RALGPS1: variants seen among roughly 807,000 people sequenced by gnomAD.
RALGPS1 encodes the protein Ral GEF with PH domain and SH3 binding motif 1, also known as ras-specific guanine nucleotide-releasing factor RalGPS1.
A neutral mutation model predicts 78.8 loss-of-function variants in RALGPS1; 19 were observed. The observed-to-expected ratio is 0.24, with a 90% confidence interval of 0.17 to 0.35. The LOEUF (loss-of-function observed/expected upper bound fraction) is 0.35, where lower values mean the gene tolerates loss of function less well. RALGPS1 is among the 10% of genes least tolerant of loss of function. The pLI, the probability that RALGPS1 is intolerant of heterozygous loss-of-function variation, is 1.00. For synonymous variants in RALGPS1, 228 were observed against 256.3 expected (o/e 0.89, Z 1.06); for missense variants, 454 against 688.3 (o/e 0.66, Z 3.81).
At chr9:127,089,154 C>CA in intron 8 of RALGPS1, 1 of 1,613,756 alleles carries the variant, frequency 6.2e-7, no homozygotes, top group South Asian at 1.1e-5. Flanking sequence ...AGAGAGAAGG[C>CA]AGTGAGAGGG....
At chr9:127,168,914 C>G in intron 10 of RALGPS1, 142 bp downstream of exon 10, 1 of 663,294 alleles carries the variant, frequency 1.5e-6, no homozygotes, top group African/African-American at 1.8e-5. Flanking sequence ...GCAGTAGCGC[C>G]CAGGCCCCAG....
At chr9:127,188,136 A>G (rs1285276058) in intron 11 of RALGPS1, among the ~76,000 whole-genome samples, 1 of 136,410 alleles carries the variant, frequency 7.3e-6, no homozygotes, top group Admixed American at 8.6e-5. Flanking sequence ...ATCTAGGCTC[A>G]CTGCAACCTC....
At chr9:127,093,866 AG>A (rs2052786848) in intron 8 of RALGPS1, 1 of 1,613,888 alleles carries the variant, frequency 6.2e-7, no homozygotes, top group African/African-American at 1.3e-5. Context: ...CGGCTTCACC[AG>A]GTAGATGGAG....
intron 7 of RALGPS1, among the ~76,000 whole-genome samples, chr9:127,059,091 A>G (rs1455160274): frequency 6.6e-6 from 1 of 152,148 alleles, no homozygotes; most frequent in East Asian, 1.9e-4. Flanking sequence ...AAAAGAACTA[A>G]GGCCACTTTG....
At chr9:127,214,611 T>C in intron 17 of RALGPS1, 140 bp from the exon 18 acceptor site, 1 of 1,347,090 alleles carries the variant, frequency 7.4e-7, no homozygotes, top group Non-Finnish European at 9.8e-7. Flanking sequence ...CCCTGGAGGC[T>C]GCTTTCTCTG....
intron 8 of RALGPS1, among the ~76,000 whole-genome samples, chr9:127,105,151 T>G (rs1032683414): frequency 2.6e-5 from 4 of 152,128 alleles, no homozygotes; most frequent in African/African-American, 9.7e-5. Flanking sequence ...GGGAGCTCAG[T>G]GGTGAGATGG....
At chr9:127,203,005 G>C (rs2061727728) in intron 14 of RALGPS1, among the ~76,000 whole-genome samples, 1 of 152,244 alleles carries the variant, frequency 6.6e-6, no homozygotes, top group African/African-American at 2.4e-5. Flanking sequence ...AACCAACAGG[G>C]AAGGGAGCGT....
intron 8 of RALGPS1, among the ~76,000 whole-genome samples, chr9:127,095,244 A>C (rs1461137159): frequency 1.3e-5 from 2 of 152,044 alleles, no homozygotes; most frequent in African/African-American, 4.8e-5. Context: ...TAAAAATACA[A>C]AAAATTAGCC....
chr9:126,977,601 TA>T, intron 3 of RALGPS1, 93 bp from the exon 4 acceptor site: 1 of 789,560 alleles, frequency 1.3e-6, no homozygotes, highest in Non-Finnish European at 1.9e-6. Context: ...GGGGAAAGTA[TA>T]ACTTTTATGA....
chr9:126,938,899 G>T (rs1450607072), intron 1 of RALGPS1, among the ~76,000 whole-genome samples: 1 of 152,232 alleles, frequency 6.6e-6, no homozygotes, highest in East Asian at 1.9e-4. Context: ...GAGTAGAGGA[G>T]GGAGGAGGGT....
intron 8 of RALGPS1, among the ~76,000 whole-genome samples, chr9:127,071,488 G>A (rs2050198887): frequency 6.6e-6 from 1 of 152,064 alleles, no homozygotes; most frequent in South Asian, 2.1e-4. Context: ...ATGAAATATG[G>A]ACTTTCCATG....
intron 8 of RALGPS1, among the ~76,000 whole-genome samples, chr9:127,076,704 C>G (rs1210759596): frequency 6.6e-6 from 1 of 152,196 alleles, no homozygotes; most frequent in African/African-American, 2.4e-5. Context: ...CAGTCAGACA[C>G]CACCCCTGCC....
intron 8 of RALGPS1, among the ~76,000 whole-genome samples, chr9:127,139,860 A>G (rs937497800): frequency 6.6e-6 from 1 of 152,226 alleles, no homozygotes; most frequent in Non-Finnish European, 1.5e-5. Flanking sequence ...TTTTATTCAT[A>G]GTCTGAGTTC....
intron 1 of RALGPS1, among the ~76,000 whole-genome samples, chr9:126,940,405 G>T (rs2036651428): frequency 6.6e-6 from 1 of 150,868 alleles, no homozygotes; most frequent in Non-Finnish European, 1.5e-5. Flanking sequence ...CTTTTCTTCA[G>T]TCCCTGTCCA....
At chr9:127,135,615 G>T (rs970758636) in intron 8 of RALGPS1, among the ~76,000 whole-genome samples, 11 of 152,250 alleles carry the variant, frequency 7.2e-5, no homozygotes, top group Non-Finnish European at 7.3e-5. Flanking sequence ...GAGGGAACCA[G>T]ACTAGGGGCC....
chr9:126,974,755 G>A (rs982822733), intron 3 of RALGPS1, among the ~76,000 whole-genome samples: 9 of 152,000 alleles, frequency 5.9e-5, no homozygotes, highest in African/African-American at 9.7e-5. Flanking sequence ...ACTACTGGCC[G>A]GATTTGCTGC....
intron 1 of RALGPS1, among the ~76,000 whole-genome samples, chr9:126,934,983 C>T (rs1156788566): frequency 1.3e-5 from 2 of 152,150 alleles, no homozygotes; most frequent in African/African-American, 4.8e-5. Context: ...AAGACATGAG[C>T]CTTGTCTTTA....
chr9:127,206,312 G>C (rs1034081713), intron 14 of RALGPS1, among the ~76,000 whole-genome samples: 2 of 152,150 alleles, frequency 1.3e-5, no homozygotes, highest in African/African-American at 2.4e-5. Context: ...AGACATACCC[G>C]AGACTAGGTA....
intron 8 of RALGPS1, among the ~76,000 whole-genome samples, chr9:127,134,390 A>T (rs1379342209): frequency 6.6e-6 from 1 of 152,194 alleles, no homozygotes; most frequent in Non-Finnish European, 1.5e-5. Flanking sequence ...CCTGGAGGAC[A>T]CTGAGCCAGT....
Sources: allele counts gnomAD v4.1 joint callset (sites outside exome capture counted in the v4.1 genomes callset), GRCh38; gene constraint gnomAD v4.1.1; transcripts MANE v1.5; gene names NCBI Gene and HGNC (gene_info 2026-07-23, HGNC 2026-07-21).